STXBP6: variants seen among roughly 807,000 people sequenced by gnomAD.
STXBP6 encodes the protein syntaxin-binding protein 6.
In STXBP6, 21 loss-of-function variants were observed where a neutral mutation model predicts 26.9. The ratio of observed to expected loss-of-function variants is 0.78; its 90% confidence interval spans 0.55 to 1.12. The LOEUF (loss-of-function observed/expected upper bound fraction) is 1.12. Ranked by LOEUF, STXBP6 falls within the 50% of genes most tolerant of loss-of-function variation. The pLI is 0.00. For missense variants in STXBP6, 232 were observed against 257.9 expected (o/e 0.90, Z 0.69); for synonymous variants, 97 against 92.6 (o/e 1.05, Z -0.27).
intron 5 of STXBP6, chr14:24,817,029 T>C (rs559641127): frequency 1.3e-5 from 2 of 152,362 alleles, no homozygotes; most frequent in East Asian, 3.9e-4. Flanking sequence ...CTCTAGTACG[T>C]AGGTACTATT....
chr14:24,815,477 GTAT>G (rs1253493169), intron 5 of STXBP6, among the ~76,000 whole-genome samples: 2 of 148,032 alleles, frequency 1.4e-5, no homozygotes, highest in Non-Finnish European at 1.5e-5. Context: ...TAACATAATA[GTAT>G]TATTTTATAA....
chr14:24,886,793 G>A (rs1020589342), intron 2 of STXBP6, among the ~76,000 whole-genome samples: 2 of 152,102 alleles, frequency 1.3e-5, no homozygotes, highest in Admixed American at 6.5e-5. Context: ...CACCAATAAA[G>A]CAATTGAGAA....
At chr14:24,932,621 A>G (rs2072457878) in intron 2 of STXBP6, among the ~76,000 whole-genome samples, 1 of 152,200 alleles carries the variant, frequency 6.6e-6, no homozygotes, top group African/African-American at 2.4e-5. Flanking sequence ...AAAATCAGCT[A>G]GGTGGCTATT....
intron 1 of STXBP6, among the ~76,000 whole-genome samples, chr14:25,042,259 G>C (rs2075654878): frequency 6.6e-6 from 1 of 152,036 alleles, no homozygotes; most frequent in Admixed American, 6.6e-5. Context: ...ATACTTTACA[G>C]AGGTGCTTCA....
rs552562019 is a variant in STXBP6, at chr14:24,945,139, A to ATT, written c.154+29524_154+29525dup. Reference sequence around the variant, plus strand: ...TGGCATGTATATGAACCAATTAGGAATTTTTTTTTTTTTTTTTTTTTTTTT... The same window carrying ATT: ...TGGCATGTATATGAACCAATTAGGAATTTTTTTTTTTTTTTTTTTTTTTTTTT... On this transcript the variant is annotated intron_variant, in intron 2 of 5. Transcript: ENST00000323944. Among the ~76,000 whole-genome samples the ATT allele has an allele frequency of 6.6e-3, 660 of 100,662 alleles. 109 individuals are homozygous for ATT. Among genetic ancestry groups the ATT allele is most frequent in the East Asian group, 0.026 (79 of 2,990 alleles). 66.0% of individuals were successfully genotyped at this position (100,662 alleles called of 152,430 possible).
chr14:24,851,695 CAGA>C (rs2069163492), intron 4 of STXBP6, among the ~76,000 whole-genome samples: 1 of 152,114 alleles, frequency 6.6e-6, no homozygotes, highest in African/African-American at 2.4e-5. Context: ...GCCACCATTT[CAGA>C]AGAAGTAAAT....
At chr14:24,979,709 A>T (rs1443726049) in intron 1 of STXBP6, among the ~76,000 whole-genome samples, 2 of 151,972 alleles carry the variant, frequency 1.3e-5, no homozygotes, top group Non-Finnish European at 2.9e-5. Flanking sequence ...TTCTCCCTCA[A>T]CCCTTTCAAA....
At chr14:24,891,230 C>A (rs1241619) in intron 2 of STXBP6, among the ~76,000 whole-genome samples, 55,500 of 151,846 alleles carry the variant, frequency 0.37, 10,365 homozygotes, top group East Asian at 0.43. Context: ...GTGGAGTCCT[C>A]CTAACAGACT....
At chr14:24,829,309 A>G (rs758517363) in intron 4 of STXBP6, among the ~76,000 whole-genome samples, 3 of 152,184 alleles carry the variant, frequency 2.0e-5, no homozygotes, top group Admixed American at 6.5e-5. Context: ...TAGTCAAAAT[A>G]ATCAGTCCTA....
At chr14:25,030,346 T>G (rs1252231633) in intron 1 of STXBP6, among the ~76,000 whole-genome samples, 2 of 152,170 alleles carry the variant, frequency 1.3e-5, no homozygotes, top group Non-Finnish European at 2.9e-5. Context: ...GAAGCCAAGG[T>G]GCTCATCAAC....
At chr14:25,041,210 T>C (rs1374965712) in intron 1 of STXBP6, among the ~76,000 whole-genome samples, 1 of 151,822 alleles carries the variant, frequency 6.6e-6, no homozygotes, top group Non-Finnish European at 1.5e-5. Flanking sequence ...TAATCCCAGC[T>C]ACTCAGGAGG....
chr14:24,826,437 C>T lies in STXBP6; in HGVS notation c.452-7243G>A, dbSNP rs1044146354. ...TGTTACCTGGCACTGGAGAGTCTTTCTGTTAAGCTCTCTACTTAGCTCATC... is the reference window on the plus strand; with the variant it reads ...TGTTACCTGGCACTGGAGAGTCTTTTTGTTAAGCTCTCTACTTAGCTCATC... On this transcript the variant is annotated intron_variant, in intron 4 of 5. Transcript: ENST00000323944. Among the ~76,000 whole-genome samples, 8 of 152,314 alleles carry T rather than the reference C, an allele frequency of 5.3e-5. 2 individuals carry two copies. The highest frequency in any genetic ancestry group is 3.9e-4 in the Admixed American group (6 of 15,294).
At chr14:25,027,604 G>T (rs2075372241) in intron 1 of STXBP6, among the ~76,000 whole-genome samples, 1 of 152,072 alleles carries the variant, frequency 6.6e-6, no homozygotes, top group South Asian at 2.1e-4. Context: ...TTGAAATTAG[G>T]CCAATTAATA....
intron 1 of STXBP6, among the ~76,000 whole-genome samples, chr14:25,037,194 C>G (rs2075570182): frequency 6.6e-6 from 1 of 152,130 alleles, no homozygotes; most frequent in Non-Finnish European, 1.5e-5. Flanking sequence ...CACAGGCCAC[C>G]TAGGACTCCT....
rs1009814279 is a variant in STXBP6 at position 24,974,693 on chromosome 14, G to C, written c.126C>G (p.Gly42=). The C allele has an allele frequency of 1.3e-6, 2 of 1,557,168 alleles. No homozygotes were observed. The highest frequency in any genetic ancestry group is 2.7e-5 in the African/African-American group (2 of 73,388). Residue 42 remains glycine (G), a synonymous_variant, in exon 2 of 6, where the codon GGC becomes GGG. Coordinates refer to ENST00000323944, the MANE Select transcript of STXBP6 (RefSeq NM_001394410.1). ...KIPFLATGGQ[G]EYLTYICLSV... ...ACAGGCAGATATAAGTTAAATATTC[G>C]CCTTGACCTCCAGTTGCCAAGAAAG...
At chr14:24,941,963 T>C (rs2072819012) in intron 2 of STXBP6, among the ~76,000 whole-genome samples, 1 of 152,198 alleles carries the variant, frequency 6.6e-6, no homozygotes, top group Non-Finnish European at 1.5e-5. Flanking sequence ...CTGCACCAGT[T>C]CCCCCTCAGC....
chr14:24,974,098 GA>G (rs1253792946), intron 2 of STXBP6, among the ~76,000 whole-genome samples: 1 of 147,578 alleles, frequency 6.8e-6, no homozygotes, highest in Non-Finnish European at 1.5e-5. Flanking sequence ...CAAACAGAAA[GA>G]GAAAGAAAAA....
intron 2 of STXBP6, among the ~76,000 whole-genome samples, chr14:24,931,117 C>CAAAAAAAAAAAAAAAAA (rs749625860): frequency 4.3e-5 from 1 of 23,330 alleles, no homozygotes; most frequent in East Asian, 1.5e-3. Flanking sequence ...GACTCCGTCT[C>CAAAAAAAAAAAAAAAAA]AAAAAAAAAA....
intron 2 of STXBP6, among the ~76,000 whole-genome samples, chr14:24,941,202 G>C (rs908449341): frequency 2.0e-5 from 3 of 152,168 alleles, no homozygotes; most frequent in Admixed American, 6.5e-5. Flanking sequence ...CACCATGCTA[G>C]ATACCATATT....
Sources: gnomAD v4.1 joint callset for allele counts (sites outside exome capture counted in the v4.1 genomes callset) on GRCh38, gnomAD v4.1.1 for gene constraint, MANE v1.5 for transcripts, NCBI Gene and HGNC (gene_info 2026-07-23, HGNC 2026-07-21) for gene names.